FAT4: variants seen among roughly 807,000 people sequenced by gnomAD.
FAT4 encodes FAT atypical cadherin 4.
FAT4 carries 84 observed loss-of-function variants against 303.9 expected under a neutral mutation model. The observed-to-expected ratio is 0.28, with a 90% CI of 0.23 to 0.33. FAT4 has a LOEUF of 0.33. Ranked by LOEUF, FAT4 falls within the 10% of genes least tolerant of loss-of-function variation. The pLI is 1.00. For missense variants in FAT4, 6,005 were observed against 6,146.8 expected (o/e 0.98, Z 0.77); for synonymous variants, 2,307 against 2,298.8 (o/e 1.00, Z -0.10).
At chr4:125,404,935 T>A (rs141350142) in intron 3 of FAT4, among the ~76,000 whole-genome samples, 1 of 152,240 alleles carries the variant, frequency 6.6e-6, no homozygotes, top group East Asian at 1.9e-4. Flanking sequence ...TTCCTTTGTA[T>A]GTATATACAG....
In FAT4 at chr4:125,450,717, A is replaced by G. The variant is rs1330888270; in HGVS notation, c.9707A>G (p.Gln3236Arg). The G allele has an allele frequency of 6.2e-7, 1 of 1,614,010 alleles. No homozygotes were observed. The highest frequency in any genetic ancestry group is 2.2e-5 in the East Asian group (1 of 44,866). ...GTNAVIAYTV[Q>R]SSDSDLFVID... ...AATGCTGTGATTGCGTATACTGTAC[A>G]GTCATCTGACAGTGACCTCTTTGTC... is the stretch of plus-strand genomic sequence containing the variant. Residue 3236 changes from glutamine to arginine, a missense_variant, in exon 10 of 18, where the codon CAG (glutamine) becomes CGG (arginine). Gln to Arg is a conservative substitution (Grantham distance 43, BLOSUM62 1). Coordinates refer to ENST00000394329, the MANE Select transcript of FAT4 (RefSeq NM_001291303.3).
chr4:125,471,714 T>C (rs1726860028), intron 12 of FAT4, among the ~76,000 whole-genome samples: 1 of 151,620 alleles, frequency 6.6e-6, no homozygotes, highest in Admixed American at 6.6e-5. Context: ...CTAACAAATC[T>C]GTCTTAAAGT....
intron 11 of FAT4, among the ~76,000 whole-genome samples, chr4:125,467,493 T>A (rs900954952): frequency 6.6e-6 from 1 of 152,218 alleles, no homozygotes; most frequent in African/African-American, 2.4e-5. Context: ...GGGAAAAGAA[T>A]TTTGGCATAA....
intron 15 of FAT4, 42 bp downstream of exon 15, chr4:125,479,907 T>C (rs752671325): frequency 8.2e-6 from 12 of 1,456,184 alleles, no homozygotes; most frequent in South Asian, 8.0e-5. Context: ...TTTTAATAAC[T>C]ATGAAAAGTA....
intron 17 of FAT4, 51 bp from the exon 18 acceptor site, chr4:125,489,850 T>C (rs964473546): frequency 4.6e-6 from 2 of 436,706 alleles, no homozygotes; most frequent in Non-Finnish European, 6.4e-6. Context: ...ATAAGCTCTT[T>C]TTTTTTTTTT....
Position 125,490,371 on chromosome 4 carries a change from G to A in FAT4, c.13555G>A (p.Ala4519Thr), listed in dbSNP as rs202148971. ...AIVGSCATVL[A>T]LLVLSLILCN... ...CGTGGGCAGCTGCGCAACCGTCTTG[G>A]CCCTCCTGGTCCTTAGCCTGATCCT... Residue 4519 changes from alanine (A) to threonine (T), a missense_variant, in exon 18 of 18, where the codon GCC becomes ACC. Coordinates refer to ENST00000394329, the MANE Select transcript of FAT4 (RefSeq NM_001291303.3). The A allele has an allele frequency of 7.6e-5, 122 of 1,614,020 alleles. 1 individual carries two copies. In the Admixed American group the frequency reaches 2.0e-3, roughly 26 times the overall value.
At chr4:125,473,988 A>G (rs1726946311) in intron 12 of FAT4, among the ~76,000 whole-genome samples, 1 of 152,118 alleles carries the variant, frequency 6.6e-6, no homozygotes, top group Non-Finnish European at 1.5e-5. Flanking sequence ...TGGCAAAATC[A>G]TTAACCTCTA....
intron 10 of FAT4, among the ~76,000 whole-genome samples, chr4:125,455,694 A>C (rs1216744948): frequency 6.6e-6 from 1 of 152,190 alleles, no homozygotes; most frequent in Non-Finnish European, 1.5e-5. Flanking sequence ...TGTCGCACTC[A>C]TCACACTTTG....
chr4:125,421,380 T>C (rs904672777), intron 7 of FAT4, among the ~76,000 whole-genome samples: 2 of 152,232 alleles, frequency 1.3e-5, no homozygotes, highest in African/African-American at 4.8e-5. Flanking sequence ...CAACTTAATA[T>C]GAAAAATTTG....
chr4:125,431,118 G>A (rs1300429776), intron 7 of FAT4, among the ~76,000 whole-genome samples: 2 of 152,180 alleles, frequency 1.3e-5, no homozygotes, highest in East Asian at 3.9e-4. Flanking sequence ...TTGTCCAAAT[G>A]AGTCAGTCAT....
At chr4:125,406,539 G>T (rs1428684107) in intron 3 of FAT4, among the ~76,000 whole-genome samples, 1 of 152,148 alleles carries the variant, frequency 6.6e-6, no homozygotes. Context: ...AAAAAATGCT[G>T]TTAGGATTTT....
At chr4:125,403,554 T>C (rs573377148) in intron 3 of FAT4, among the ~76,000 whole-genome samples, 3 of 152,236 alleles carry the variant, frequency 2.0e-5, no homozygotes, top group Admixed American at 6.6e-5. Flanking sequence ...TGGCTTCAAC[T>C]GACACCCACA....
chr4:125,406,159 T>C (rs1212586758), intron 3 of FAT4, among the ~76,000 whole-genome samples: 1 of 152,174 alleles, frequency 6.6e-6, no homozygotes, highest in Non-Finnish European at 1.5e-5. Flanking sequence ...TTTAAGTCTT[T>C]AATCCATTTT....
chr4:125,460,139 T>C (rs925408089), intron 10 of FAT4, among the ~76,000 whole-genome samples: 3 of 152,062 alleles, frequency 2.0e-5, no homozygotes, highest in Non-Finnish European at 4.4e-5. Flanking sequence ...TCATGAATTG[T>C]AAAAAATTTT....
intron 2 of FAT4, among the ~76,000 whole-genome samples, chr4:125,340,418 C>G (rs151104368): frequency 0.13 from 18,914 of 151,174 alleles, 1,506 homozygotes; most frequent in Admixed American, 0.17. Flanking sequence ...GAGCCTCGCT[C>G]TGTCGCCCAG....
intron 5 of FAT4, among the ~76,000 whole-genome samples, chr4:125,410,627 G>C (rs895610828): frequency 1.3e-5 from 2 of 152,034 alleles, no homozygotes; most frequent in Admixed American, 6.6e-5. Context: ...ATTAGAGAGA[G>C]CCCATTGTTT....
Position 125,318,650 on chromosome 4 carries a change from A to G in FAT4, c.2239A>G (p.Thr747Ala), listed in dbSNP as rs780174313. ...QVNAQSGVIS[T>A]RMALDREEKT... is the part of the protein sequence containing the mutation. ...CAATGCTCAGAGTGGGGTTATTTCTACAAGAATGGCCCTAGACAGAGAAGA... is the reference window on the plus strand; with the variant it reads ...CAATGCTCAGAGTGGGGTTATTTCTGCAAGAATGGCCCTAGACAGAGAAGA... Residue 747 changes from threonine (T) to alanine (A), a missense_variant, in exon 2 of 18, where the codon ACA becomes GCA. Coordinates refer to ENST00000394329, the MANE Select transcript of FAT4 (RefSeq NM_001291303.3). 5.0e-5 allele frequency: 80 copies of G among 1,614,014 alleles called. No individual in the cohort carries two copies. Among genetic ancestry groups the G allele is most frequent in the Admixed American group, 1.5e-4 (9 of 60,000 alleles).
At chr4:125,338,730 G>T (rs1273225245) in intron 2 of FAT4, among the ~76,000 whole-genome samples, 1 of 152,000 alleles carries the variant, frequency 6.6e-6, no homozygotes, top group Non-Finnish European at 1.5e-5. Flanking sequence ...TATTTATCCT[G>T]TCTGAGCTTT....
intron 7 of FAT4, among the ~76,000 whole-genome samples, chr4:125,425,971 A>G (rs1725074298): frequency 6.6e-6 from 1 of 152,122 alleles, no homozygotes; most frequent in African/African-American, 2.4e-5. Context: ...GCAGGGATTG[A>G]AAATTGCTTT....
Sources: gnomAD v4.1 joint callset for allele counts (sites outside exome capture counted in the v4.1 genomes callset) on GRCh38, gnomAD v4.1.1 for gene constraint, MANE v1.5 for transcripts, NCBI Gene and HGNC (gene_info 2026-07-23, HGNC 2026-07-21) for gene names.